The following PPEF1 variants were observed in gnomAD, a reference collection of about 807,000 sequenced individuals.
PPEF1 encodes the protein serine/threonine-protein phosphatase with EF-hands 1.
Under a neutral mutation model 53.3 loss-of-function variants are expected in PPEF1, and 12 were observed. That is an observed-to-expected ratio of 0.23 (90% CI 0.14 to 0.36). The LOEUF (loss-of-function observed/expected upper bound fraction) is 0.36. Ranked by LOEUF, PPEF1 falls within the 10% of genes least tolerant of loss-of-function variation. PPEF1 has a pLI of 1.00. For synonymous variants in PPEF1, 165 were observed against 176.7 expected, an observed-to-expected ratio of 0.93 and a Z score of 0.52; for missense variants, 334 against 490.4, an observed-to-expected ratio of 0.68 and a Z score of 3.01.
At chrX:18,811,043 A>T (rs1390633778) in intron 12 of PPEF1, among the ~76,000 whole-genome samples, 1 of 111,503 alleles carries the variant, frequency 9.0e-6, no homozygotes, top group Non-Finnish European at 1.9e-5. Context: ...TCTTGTTATG[A>T]TCTCTTTTTA....
At chrX:18,686,457 C>T (rs2147231207) in intron 3 of PPEF1, among the ~76,000 whole-genome samples, 1 of 111,280 alleles carries the variant, frequency 9.0e-6, no homozygotes, top group Non-Finnish European at 1.9e-5. Flanking sequence ...TACGCCCACC[C>T]CAAACACTCC....
intron 7 of PPEF1, among the ~76,000 whole-genome samples, chrX:18,780,603 A>ACGCT (rs1000816254): frequency 6.3e-5 from 7 of 111,983 alleles, no homozygotes; most frequent in Admixed American, 9.5e-5. Context: ...GAGTGAATAC[A>ACGCT]CGCTCGTCAA....
intron 6 of PPEF1, 149 bp downstream of exon 6, chrX:18,761,725 A>G (rs1380282496): frequency 8.0e-6 from 3 of 375,055 alleles, no homozygotes; most frequent in Non-Finnish European, 1.4e-5. Flanking sequence ...TTGTAGAGCC[A>G]TATCTTTTTT....
chrX:18,826,384 T>G (rs1230112718), intron 15 of PPEF1, among the ~76,000 whole-genome samples: 1 of 106,945 alleles, frequency 9.4e-6, no homozygotes, highest in African/African-American at 3.5e-5. Flanking sequence ...GATTCTGTTT[T>G]GGGGAGTAAG....
intron 6 of PPEF1, among the ~76,000 whole-genome samples, chrX:18,775,435 G>A (rs1195506965): frequency 2.7e-5 from 3 of 110,580 alleles, no homozygotes; most frequent in African/African-American, 9.9e-5. Context: ...ATGTTGGCCA[G>A]GCTGGTCTTG....
chrX:18,787,456 C>A (rs2046229002), intron 9 of PPEF1, among the ~76,000 whole-genome samples: 1 of 111,304 alleles, frequency 9.0e-6, no homozygotes, highest in African/African-American at 3.3e-5. Flanking sequence ...TCAAACTCCC[C>A]AGCAAGGCAT....
Position 18,783,880 on chromosome X carries a change from C to T in PPEF1, c.763-19C>T. ...GAACCTGTCAGAAAAACAAAACTTA[C>T]TCAAGCTCTTACTTACAGCTACATG... On this transcript the variant is annotated intron_variant, in intron 8 of 15. Coordinates refer to ENST00000470157, the MANE Select transcript of PPEF1 (RefSeq NM_001377996.1). 2 of 1,198,746 alleles carry T rather than the reference C, an allele frequency of 1.7e-6. No individual in the cohort carries two copies. Among genetic ancestry groups the T allele is most frequent in the Non-Finnish European group, 2.2e-6 (2 of 889,463 alleles).
chrX:18,826,721 C>T (rs1443475098), intron 15 of PPEF1, among the ~76,000 whole-genome samples: 4 of 110,067 alleles, frequency 3.6e-5, no homozygotes, highest in South Asian at 3.9e-4. Flanking sequence ...CCACTGCGCC[C>T]GGCCTTCTGC....
chrX:18,723,632 T>C (rs2044638476), intron 1 of PPEF1, among the ~76,000 whole-genome samples: 1 of 111,248 alleles, frequency 9.0e-6, no homozygotes, highest in African/African-American at 3.3e-5. Flanking sequence ...TCCTAGCTAA[T>C]AGGGGAAAAT....
chrX:18,750,218 C>T (rs2045415838), intron 4 of PPEF1, among the ~76,000 whole-genome samples: 1 of 111,602 alleles, frequency 9.0e-6, no homozygotes, highest in Non-Finnish European at 1.9e-5. Context: ...GTGTACGACT[C>T]AGTGACTTTT....
At chrX:18,689,030 C>G (rs1420817103) in intron 3 of PPEF1, 1 of 110,989 alleles carries the variant, frequency 9.0e-6, no homozygotes, top group Non-Finnish European at 1.9e-5. Context: ...TGTTTCTTAT[C>G]CGTCCTAAGG....
At chrX:18,821,012 A>C (rs1160109001) in intron 13 of PPEF1, among the ~76,000 whole-genome samples, 1 of 109,360 alleles carries the variant, frequency 9.1e-6, no homozygotes, top group African/African-American at 3.3e-5. Flanking sequence ...TCACGAGGTC[A>C]GGAGATGGAG....
chrX:18,822,513 C>CT lies in PPEF1; in HGVS notation c.1502-1397dup, dbSNP rs761471112. Among the ~76,000 whole-genome samples the CT allele has an allele frequency of 5.6e-3, 566 of 101,618 alleles. 3 individuals are homozygous for CT. The highest frequency in any genetic ancestry group is 0.016 in the African/African-American group (446 of 28,289). 88.2% of individuals were successfully genotyped at this position (101,618 alleles called of 115,157 possible). A position where few individuals can be genotyped will look rare whatever the true frequency, so the allele number is the denominator to read the frequency against. The stretch of plus-strand genomic sequence containing the variant: ...ACCTAATGAATGAGGTATGAGATTT[C>CT]TTTTTTTTTTTTTGAGACGGAGTCT... On this transcript the variant is annotated intron_variant, in intron 13 of 15. Transcript: ENST00000470157.
At chrX:18,824,155 G>A in intron 14 of PPEF1, 69 bp downstream of exon 14, 1 of 1,039,745 alleles carries the variant, frequency 9.6e-7, no homozygotes, top group Non-Finnish European at 1.3e-6. Flanking sequence ...TGAAAAGCTG[G>A]GAGTGGCCGG....
chrX:18,699,411 T>C lies in PPEF1; in HGVS notation c.-225-922T>C, dbSNP rs185139060. ...TGTTTATGGCTGGAGTCCTGTAAATTTTAGCTGGCAAAGCCTAAGACCAGT... is the reference window on the plus strand; with the variant it reads ...TGTTTATGGCTGGAGTCCTGTAAATCTTAGCTGGCAAAGCCTAAGACCAGT... On this transcript the variant is annotated intron_variant, in intron 5 of 21. Coordinates refer to the PPEF1 transcript ENST00000361511. Among the ~76,000 whole-genome samples, 54 of 111,401 alleles carry C rather than the reference T, an allele frequency of 4.8e-4. 2 individuals are homozygous for C. Among genetic ancestry groups the C allele is most frequent in the Admixed American group, 4.7e-3 (49 of 10,451 alleles).
rs1431744257 is a variant in PPEF1, at chrX:18,789,173, A to G, written c.965A>G (p.Asp322Gly). Residue 322 changes from aspartate (D) to glycine (G), a missense_variant, in exon 10 of 16, where the codon GAC becomes GGC. Asp to Gly is a moderately conservative substitution (Grantham distance 94). Transcript: ENST00000470157. ...GAAACAAACAGAGACCATGACACTG[A>G]CTCGAAGCACAATAAAGTAGGTGTG... Reference protein sequence around the residue: ...PTETNRDHDTDSKHNKVGVTF... With the variant: ...PTETNRDHDTGSKHNKVGVTF... 2 of 1,209,666 alleles carry G rather than the reference A, an allele frequency of 1.7e-6. No individual in the cohort carries two copies. Among genetic ancestry groups the G allele is most frequent in the African/African-American group, 3.5e-5 (2 of 57,328 alleles).
chrX:18,758,820 C>T (rs2045601341), intron 5 of PPEF1, among the ~76,000 whole-genome samples: 2 of 111,243 alleles, frequency 1.8e-5, no homozygotes, highest in Non-Finnish European at 3.8e-5. Flanking sequence ...GGGATCCGCT[C>T]CCCTGTGTTT....
chrX:18,770,667 A>C (rs1435468563), intron 6 of PPEF1, among the ~76,000 whole-genome samples: 1 of 111,622 alleles, frequency 9.0e-6, no homozygotes, highest in African/African-American at 3.3e-5. Flanking sequence ...GACATTCATT[A>C]CTCTTTGCTC....
At chrX:18,739,575 G>A (rs1009347345) in intron 3 of PPEF1, among the ~76,000 whole-genome samples, 31 of 112,027 alleles carry the variant, frequency 2.8e-4, no homozygotes, top group Admixed American at 1.1e-3. Flanking sequence ...TAGGCTACTC[G>A]GGGGTCAGGG....
Sources: gnomAD v4.1 joint callset for allele counts (sites outside exome capture counted in the v4.1 genomes callset) on GRCh38, gnomAD v4.1.1 for gene constraint, MANE v1.5 for transcripts, NCBI Gene and HGNC (gene_info 2026-07-23, HGNC 2026-07-21) for gene names.